The following DCAF8L2 variants were observed in gnomAD, a reference collection of about 807,000 sequenced individuals.
DCAF8L2 encodes DDB1- and CUL4-associated factor 8-like protein 2.
For missense variants in DCAF8L2, 430 were observed against 490.7 expected (o/e 0.88, Z 1.17); for synonymous variants, 200 against 190.9 (o/e 1.05, Z -0.39).
intron 2 of DCAF8L2, among the ~76,000 whole-genome samples, chrX:27,663,707 T>G (rs1212022608): frequency 9.2e-6 from 1 of 108,843 alleles, no homozygotes; most frequent in Non-Finnish European, 1.9e-5. Context: ...TTTATTTATT[T>G]TATTTTTTGA....
At chrX:27,636,237 A>AT (rs1247509919) in intron 2 of DCAF8L2, among the ~76,000 whole-genome samples, 1 of 111,997 alleles carries the variant, frequency 8.9e-6, no homozygotes, top group Non-Finnish European at 1.9e-5. Flanking sequence ...TGGACCTTAC[A>AT]TTTTATCTGT....
At chrX:27,519,052 A>G in the DCAF8L2 span, 6 of 1,025,416 alleles carry the variant, frequency 5.9e-6, no homozygotes, top group Admixed American at 4.4e-5. Context: ...GCCTGATACT[A>G]TTGAAGTACA....
At chrX:27,477,572 C>T in the DCAF8L2 span, among the ~76,000 whole-genome samples, 1 of 111,925 alleles carries the variant, frequency 8.9e-6, no homozygotes, top group African/African-American at 3.2e-5. Context: ...CAGGCGTGAG[C>T]CACTGCGCCC....
the DCAF8L2 span, among the ~76,000 whole-genome samples, chrX:27,504,912 ATTTTG>A: frequency 9.0e-6 from 1 of 110,986 alleles, no homozygotes; most frequent in African/African-American, 3.3e-5. Flanking sequence ...CTTAAGCTCC[ATTTTG>A]TTTCAGTTTC....
chrX:27,603,645 A>G (rs1926749530), intron 1 of DCAF8L2, among the ~76,000 whole-genome samples: 1 of 112,026 alleles, frequency 8.9e-6, no homozygotes, highest in Non-Finnish European at 1.9e-5. Flanking sequence ...AACCTACAAC[A>G]TATATAAAGC....
At chrX:27,488,122 AG>A in the DCAF8L2 span, among the ~76,000 whole-genome samples, 1 of 111,816 alleles carries the variant, frequency 8.9e-6, no homozygotes, top group East Asian at 2.8e-4. Context: ...GCAATGTGTG[AG>A]GGTTCCAGTT....
chrX:27,580,355 G>C, the DCAF8L2 span, among the ~76,000 whole-genome samples: 5 of 111,427 alleles, frequency 4.5e-5, no homozygotes, highest in African/African-American at 1.6e-4. Flanking sequence ...TTTGGATTGA[G>C]AGCAGTAAGG....
At chrX:27,507,881 A>C in the DCAF8L2 span, among the ~76,000 whole-genome samples, 1 of 111,439 alleles carries the variant, frequency 9.0e-6, no homozygotes, top group Non-Finnish European at 1.9e-5. Flanking sequence ...ATCTATGTAA[A>C]TATATGACAC....
chrX:27,556,653 G>A, the DCAF8L2 span, among the ~76,000 whole-genome samples: 1 of 111,884 alleles, frequency 8.9e-6, no homozygotes, highest in African/African-American at 3.2e-5. Flanking sequence ...AGTGCCATAA[G>A]AACATGATAA....
chrX:27,574,192 G>T, the DCAF8L2 span, among the ~76,000 whole-genome samples: 1 of 110,577 alleles, frequency 9.0e-6, no homozygotes, highest in Non-Finnish European at 1.9e-5. Context: ...GCTCAAGAGA[G>T]AATATGAGGT....
chrX:27,621,360 A>T (rs1267231646), intron 1 of DCAF8L2, among the ~76,000 whole-genome samples: 1 of 111,240 alleles, frequency 9.0e-6, no homozygotes. Context: ...AAGGAAAATA[A>T]TTTTTTGTTA....
rs1348484317 is a variant in DCAF8L2 at position 27,692,628 on chromosome X, G to T, written c.-143+14716G>T. ...GAAATTTTTCTGAAAGAGTTAGTTT[G>T]ATTCTCAAAGGTTTCATGACTCTAA... On this transcript the variant is annotated intron_variant, in intron 3 of 4. Coordinates refer to ENST00000451261, the MANE Select transcript of DCAF8L2 (RefSeq NM_001353450.2). 4.5e-5 allele frequency among the ~76,000 whole-genome samples: 5 copies of T among 111,761 alleles called. No homozygotes were observed. The Admixed American group carries it at 4.8e-4, about 11-fold the overall frequency.
Position 27,695,060 on chromosome X carries a change from G to A in DCAF8L2, c.-143+17148G>A, listed in dbSNP as rs1237274675. Among the ~76,000 whole-genome samples the A allele has an allele frequency of 2.7e-5, 3 of 112,099 alleles. No individual in the cohort carries two copies. In the Admixed American group the frequency reaches 2.9e-4, roughly 11 times the overall value. On this transcript the variant is annotated intron_variant, in intron 3 of 4. Coordinates refer to ENST00000451261, the MANE Select transcript of DCAF8L2 (RefSeq NM_001353450.2). ...GTTTGTGCAGCACACAGAGCAGACA[G>A]AACAGTTTGGAGATTTGGTTTTCAG...
At chrX:27,519,704 C>G in the DCAF8L2 span, 1 of 578,414 alleles carries the variant, frequency 1.7e-6, no homozygotes, top group Non-Finnish European at 3.1e-6. Flanking sequence ...CAGAAAAATG[C>G]GCGTGTTAAG....
At chrX:27,527,886 A>G in the DCAF8L2 span, among the ~76,000 whole-genome samples, 1 of 108,878 alleles carries the variant, frequency 9.2e-6, no homozygotes, top group African/African-American at 3.3e-5. Flanking sequence ...TCCTGACCTC[A>G]GGTGGTCAGC....
chrX:27,700,270 T>G, intron 3 of DCAF8L2, among the ~76,000 whole-genome samples: 1 of 110,436 alleles, frequency 9.1e-6, no homozygotes, highest in Non-Finnish European at 1.9e-5. Context: ...TCCTGAGTGC[T>G]GTAACTTTGA....
At chrX:27,540,584 G>A in the DCAF8L2 span, among the ~76,000 whole-genome samples, 3 of 111,743 alleles carry the variant, frequency 2.7e-5, no homozygotes, top group African/African-American at 9.8e-5. Flanking sequence ...GGGGGTGAAG[G>A]GAAAAGCCAG....
the DCAF8L2 span, among the ~76,000 whole-genome samples, chrX:27,499,840 G>GC: frequency 8.3e-5 from 9 of 108,478 alleles, no homozygotes; most frequent in East Asian, 2.9e-4. Context: ...TGGTGGTGGG[G>GC]GGGGGTACAG....
intron 1 of DCAF8L2, among the ~76,000 whole-genome samples, chrX:27,621,517 A>AG (rs1254185921): frequency 8.9e-6 from 1 of 111,878 alleles, no homozygotes; most frequent in Non-Finnish European, 1.9e-5. Context: ...ACCACAGTAA[A>AG]GGAAAAAAGT....
Sources: allele counts gnomAD v4.1 joint callset (sites outside exome capture counted in the v4.1 genomes callset), GRCh38; gene constraint gnomAD v4.1.1; transcripts MANE v1.5; gene names NCBI Gene and HGNC (gene_info 2026-07-23, HGNC 2026-07-21).